The following SPATS1 variants were observed in gnomAD, a reference collection of about 807,000 sequenced individuals.
SPATS1 encodes the protein spermatogenesis-associated serine-rich protein 1.
A neutral mutation model predicts 33.6 loss-of-function variants in SPATS1; 23 were observed. The observed-to-expected ratio is 0.68, with a 90% confidence interval of 0.49 to 0.97. The LOEUF is 0.97. SPATS1 is among the 50% of genes least tolerant of loss of function. The probability of loss-of-function intolerance (pLI) is 0.00; values close to 1 mark genes in which losing one functional copy is unlikely to be tolerated. For missense variants in SPATS1, 327 were observed against 361.0 expected (o/e 0.91, Z 0.76); for synonymous variants, 131 against 125.6 (o/e 1.04, Z -0.29).
chr6:44,368,324 A>T, intron 5 of SPATS1, 55 bp from the exon 6 acceptor site: 1 of 1,580,858 alleles, frequency 6.3e-7, no homozygotes. Context: ...CTTACAGCAA[A>T]TCTGTGGATC....
At chr6:44,351,122 CAA>C (rs34139961) in intron 2 of SPATS1, among the ~76,000 whole-genome samples, 18,880 of 74,652 alleles carry the variant, frequency 0.25, 731 homozygotes, top group South Asian at 0.39. Context: ...GACTCTGTGT[CAA>C]AAAAAAAAAA....
At chr6:44,347,838 A>T (rs1445051974) in intron 2 of SPATS1, among the ~76,000 whole-genome samples, 2 of 152,032 alleles carry the variant, frequency 1.3e-5, no homozygotes, top group African/African-American at 2.4e-5. Flanking sequence ...GGTTTTTGTC[A>T]GTACTGTCTT....
Position 44,360,525 on chromosome 6 carries a change from A to C in SPATS1, c.367A>C (p.Lys123Gln). 1.2e-6 allele frequency: 2 copies of C among 1,614,176 alleles called. No individual in the cohort carries two copies. Among genetic ancestry groups the C allele is most frequent in the Non-Finnish European group, 1.7e-6 (2 of 1,180,030 alleles). The change falls in exon 4 of 9, where the codon AAG (lysine) becomes CAG (glutamine). Residue 123 changes from lysine (K) to glutamine (Q), a missense_variant. Lys to Gln is a moderately conservative substitution (Grantham distance 53, BLOSUM62 1). Transcript: ENST00000674044. The stretch of plus-strand genomic sequence containing the variant: ...TGAAATGTCGTTGCCTGAAGTCCAA[A>C]AGGATAAATATCCTGAGGAATTCAG... ...SSEMSLPEVQ[K>Q]DKYPEEFSLL...
intron 2 of SPATS1, among the ~76,000 whole-genome samples, chr6:44,350,019 C>T (rs1039778318): frequency 6.6e-6 from 1 of 152,190 alleles, no homozygotes; most frequent in African/African-American, 2.4e-5. Context: ...CCTGCCACCT[C>T]CCCTGGGCTT....
intron 5 of SPATS1, among the ~76,000 whole-genome samples, chr6:44,367,261 T>C (rs1789306592): frequency 6.6e-6 from 1 of 152,190 alleles, no homozygotes; most frequent in Admixed American, 6.5e-5. Flanking sequence ...CTAATTTTTG[T>C]ATTTTTAGTA....
intron 8 of SPATS1, 96 bp from the exon 9 acceptor site, chr6:44,376,939 G>A (rs1379428867): frequency 7.0e-7 from 1 of 1,432,320 alleles, no homozygotes; most frequent in East Asian, 2.3e-5. Flanking sequence ...CTCATGGGCA[G>A]ATGTCATAGC....
intron 2 of SPATS1, among the ~76,000 whole-genome samples, chr6:44,346,725 T>C (rs1458945606): frequency 6.6e-6 from 1 of 152,210 alleles, no homozygotes; most frequent in Non-Finnish European, 1.5e-5. Flanking sequence ...TTTTGCCCTT[T>C]TTTTTTCTTT....
intron 2 of SPATS1, among the ~76,000 whole-genome samples, chr6:44,345,516 T>C (rs1787820806): frequency 6.6e-6 from 1 of 152,218 alleles, no homozygotes; most frequent in Non-Finnish European, 1.5e-5. Flanking sequence ...CCCTCTCTGA[T>C]ACCATCCATA....
intron 6 of SPATS1, among the ~76,000 whole-genome samples, chr6:44,369,264 C>A (rs564014130): frequency 6.6e-6 from 1 of 152,026 alleles, no homozygotes; most frequent in African/African-American, 2.4e-5. Context: ...ATCTGTGGGC[C>A]GGGCGCGGTG....
At chr6:44,376,919 C>T in intron 8 of SPATS1, 116 bp from the exon 9 acceptor site, 1 of 1,157,546 alleles carries the variant, frequency 8.6e-7, no homozygotes, top group South Asian at 1.3e-5. Flanking sequence ...GTCTTCTGTC[C>T]CGAGGTGGTC....
At chr6:44,347,883 A>C (rs1787994695) in intron 2 of SPATS1, among the ~76,000 whole-genome samples, 1 of 152,176 alleles carries the variant, frequency 6.6e-6, no homozygotes, top group Admixed American at 6.5e-5. Flanking sequence ...TTTATAAATT[A>C]TACTCCATGG....
intron 2 of SPATS1, among the ~76,000 whole-genome samples, chr6:44,349,288 C>CAAAAAAAAAAA (rs35407623): frequency 2.3e-4 from 17 of 72,592 alleles, no homozygotes; most frequent in East Asian, 4.7e-4. Flanking sequence ...GACTCTGGCT[C>CAAAAAAAAAAA]AAAAAAAAAA....
rs55724584 is a variant in SPATS1, at chr6:44,365,601, G to T, written c.575-2778G>T. On this transcript the variant is annotated intron_variant, in intron 5 of 8. Transcript: ENST00000674044. ...AAGGGTAAAGAGAAAATGCTGGAAG[G>T]TTTTTCACATCAGCTCCTTAAATGC... 8.3e-3 allele frequency among the ~76,000 whole-genome samples: 1,265 copies of T among 152,246 alleles called. 11 individuals carry two copies. Among genetic ancestry groups the T allele is most frequent in the African/African-American group, 0.028 (1,165 of 41,548 alleles).
chr6:44,366,937 G>A (rs1246270486), intron 5 of SPATS1, among the ~76,000 whole-genome samples: 2 of 152,136 alleles, frequency 1.3e-5, no homozygotes, highest in South Asian at 2.1e-4. Context: ...TAGCTCAAGG[G>A]CACAGAACTA....
In SPATS1 at chr6:44,361,940, G is replaced by C. The variant is rs1459183734; in HGVS notation, c.522G>C (p.Lys174Asn). ...TTAATGGAGTCTTCCTCGGCAACAAGAGGTCTCTATCAGAGAGGACGGTGG... is the reference window on the plus strand; with the variant it reads ...TTAATGGAGTCTTCCTCGGCAACAACAGGTCTCTATCAGAGAGGACGGTGG... ...CFFNGVFLGN[K>N]RSLSERTVDK... is the part of the protein sequence containing the mutation. The change falls in exon 5 of 9, where the codon AAG (lysine) becomes AAC (asparagine). Residue 174 changes from lysine (K) to asparagine (N), a missense_variant. Physicochemically the swap from Lys to Asn is moderately conservative, Grantham distance 94. Transcript: ENST00000674044. The C allele has an allele frequency of 6.2e-7, 1 of 1,614,230 alleles. No homozygotes were observed. The highest frequency in any genetic ancestry group is 8.5e-7 in the Non-Finnish European group (1 of 1,180,040).
chr6:44,351,468 A>G (rs756186404), intron 2 of SPATS1, among the ~76,000 whole-genome samples: 1 of 152,240 alleles, frequency 6.6e-6, no homozygotes, highest in Non-Finnish European at 1.5e-5. Flanking sequence ...AATGTACTCA[A>G]GAATCAGAGT....
chr6:44,376,068 T>A (rs912409235), intron 7 of SPATS1, among the ~76,000 whole-genome samples: 1 of 151,252 alleles, frequency 6.6e-6, no homozygotes, highest in African/African-American at 2.4e-5. Flanking sequence ...ATTGTGCCAC[T>A]GCATTCCAGC....
intron 2 of SPATS1, among the ~76,000 whole-genome samples, chr6:44,349,000 G>T (rs920563757): frequency 4.6e-5 from 7 of 152,088 alleles, no homozygotes; most frequent in African/African-American, 1.7e-4. Flanking sequence ...GCATGATGGT[G>T]GGCACCTGTA....
At chr6:44,369,762 C>T (rs747958279) in intron 6 of SPATS1, among the ~76,000 whole-genome samples, 4 of 151,848 alleles carry the variant, frequency 2.6e-5, no homozygotes, top group Non-Finnish European at 5.9e-5. Flanking sequence ...ATCCCAGCTA[C>T]TTGGGAGGCT....
Sources: gnomAD v4.1 joint callset for allele counts (sites outside exome capture counted in the v4.1 genomes callset) on GRCh38, gnomAD v4.1.1 for gene constraint, MANE v1.5 for transcripts, NCBI Gene and HGNC (gene_info 2026-07-23, HGNC 2026-07-21) for gene names.